The following SNCAIP variants were observed in gnomAD, a reference collection of about 807,000 sequenced individuals.
SNCAIP encodes the protein synuclein alpha interacting protein, also known as synphilin-1.
Under a neutral mutation model 86.7 loss-of-function variants are expected in SNCAIP, and 43 were observed. That is an observed-to-expected ratio of 0.50 (90% confidence interval 0.39 to 0.64). The LOEUF is 0.64. SNCAIP is among the 30% of genes least tolerant of loss of function. The probability of loss-of-function intolerance (pLI) is 0.00; values close to 1 mark genes in which losing one functional copy is unlikely to be tolerated. For missense variants in SNCAIP, 981 were observed against 1,103.1 expected, an observed-to-expected ratio of 0.89 and a Z score of 1.57; for synonymous variants, 417 against 427.2, an observed-to-expected ratio of 0.98 and a Z score of 0.29.
intron 1 of SNCAIP, chr5:122,389,175 CTTAA>C (rs796246943): frequency 3.9e-5 from 6 of 152,292 alleles, no homozygotes; most frequent in Admixed American, 2.6e-4. Context: ...TGTTAATTTA[CTTAA>C]TTAAGACATG....
chr5:122,333,097 A>G (rs1755721197), intron 1 of SNCAIP, among the ~76,000 whole-genome samples: 1 of 152,226 alleles, frequency 6.6e-6, no homozygotes. Context: ...GGTTAGCACA[A>G]AGATAGAAGC....
At chr5:122,414,097 A>T (rs1019021300) in intron 3 of SNCAIP, among the ~76,000 whole-genome samples, 1 of 151,986 alleles carries the variant, frequency 6.6e-6, no homozygotes, top group African/African-American at 2.4e-5. Context: ...CTTTGTAGAG[A>T]TGAGGATCTC....
At chr5:122,364,452 A>G (rs1220548503) in intron 1 of SNCAIP, among the ~76,000 whole-genome samples, 1 of 152,218 alleles carries the variant, frequency 6.6e-6, no homozygotes, top group Non-Finnish European at 1.5e-5. Context: ...TGCAGGTGTG[A>G]GCCACTGTGC....
intron 3 of SNCAIP, among the ~76,000 whole-genome samples, chr5:122,407,527 C>G (rs568152621): frequency 6.6e-6 from 1 of 152,006 alleles, no homozygotes; most frequent in African/African-American, 2.4e-5. Context: ...TGGAAAGAAG[C>G]CTCAGCATGT....
At chr5:122,433,919 G>A (rs763105940) in intron 6 of SNCAIP, among the ~76,000 whole-genome samples, 3 of 152,146 alleles carry the variant, frequency 2.0e-5, no homozygotes, top group Non-Finnish European at 4.4e-5. Flanking sequence ...ATGCTAGGCC[G>A]TGGCAGCTGC....
intron 1 of SNCAIP, among the ~76,000 whole-genome samples, chr5:122,380,117 AC>A (rs1330497372): frequency 1.4e-4 from 21 of 152,098 alleles, no homozygotes; most frequent in African/African-American, 5.1e-4. Context: ...AAGGAATGGT[AC>A]CAGCGCCTCC....
chr5:122,353,015 C>G (rs369959053), intron 1 of SNCAIP, among the ~76,000 whole-genome samples: 1 of 152,144 alleles, frequency 6.6e-6, no homozygotes, highest in Non-Finnish European at 1.5e-5. Flanking sequence ...GATGACATTG[C>G]GTAGGCTCTA....
intron 3 of SNCAIP, among the ~76,000 whole-genome samples, chr5:122,411,945 G>A (rs1054718952): frequency 2.0e-5 from 3 of 152,060 alleles, no homozygotes; most frequent in Non-Finnish European, 4.4e-5. Flanking sequence ...TCAAAACCAG[G>A]CAATGGTTTC....
chr5:122,394,088 C>CT (rs112838168), intron 2 of SNCAIP, among the ~76,000 whole-genome samples: 5,563 of 146,010 alleles, frequency 0.038, 306 homozygotes, highest in African/African-American at 0.12. Flanking sequence ...ATGCAATTTT[C>CT]TTTTTTTTTT....
At chr5:122,422,699 T>C (rs1039321298) in intron 3 of SNCAIP, among the ~76,000 whole-genome samples, 169 bp from the exon 4 acceptor site, 11 of 152,070 alleles carry the variant, frequency 7.2e-5, no homozygotes, top group Non-Finnish European at 1.2e-4. Flanking sequence ...TTCACTGTTT[T>C]CCAATGGTAA....
Position 122,444,915 on chromosome 5 carries a change from T to C in SNCAIP, c.1592+183T>C, listed in dbSNP as rs1318558302. 6.1e-6 allele frequency: 4 copies of C among 657,850 alleles called. No homozygotes were observed. The African/African-American group carries it at 7.1e-5, about 12-fold the overall frequency. 40.8% of individuals were successfully genotyped at this position (657,850 alleles called of 1,614,324 possible). ...GCGTTCGTGCTGAAGATGCCATCTC[T>C]GCAGAGGCAAAAGGATGTCTAAACA... On this transcript the variant is annotated intron_variant, in intron 8 of 10. Coordinates refer to ENST00000261368, the MANE Select transcript of SNCAIP (RefSeq NM_005460.4).
intron 3 of SNCAIP, 66 bp from the exon 4 acceptor site, chr5:122,422,802 C>T (rs1016262215): frequency 7.5e-7 from 1 of 1,326,456 alleles, no homozygotes; most frequent in Non-Finnish European, 1.1e-6. Context: ...CCACATCTAC[C>T]TGCATAGCCA....
chr5:122,322,933 T>G (rs943645585), intron 1 of SNCAIP, among the ~76,000 whole-genome samples: 1 of 152,224 alleles, frequency 6.6e-6, no homozygotes, highest in African/African-American at 2.4e-5. Context: ...GCAACTAAAA[T>G]ATATTTCTTC....
intron 1 of SNCAIP, among the ~76,000 whole-genome samples, chr5:122,387,410 C>G (rs999972916): frequency 6.6e-6 from 1 of 152,148 alleles, no homozygotes; most frequent in Non-Finnish European, 1.5e-5. Context: ...CCTTGGCCTC[C>G]CAAAGTGCTG....
At chr5:122,332,709 TA>T (rs891629660) in intron 1 of SNCAIP, among the ~76,000 whole-genome samples, 7 of 152,348 alleles carry the variant, frequency 4.6e-5, no homozygotes, top group African/African-American at 1.7e-4. Flanking sequence ...GATGCCATTT[TA>T]ATTTTCCTTT....
chr5:122,400,853 A>G, intron 2 of SNCAIP: 4 of 965,980 alleles, frequency 4.1e-6, no homozygotes, highest in Non-Finnish European at 5.7e-6. Context: ...CTGGAAAACA[A>G]ATTTAGATCA....
intron 1 of SNCAIP, among the ~76,000 whole-genome samples, chr5:122,332,648 C>G (rs2152701039): frequency 6.6e-6 from 1 of 152,300 alleles, no homozygotes; most frequent in South Asian, 2.1e-4. Context: ...TGCAAACATC[C>G]AAGTATCACC....
chr5:122,419,656 A>G (rs954254312), intron 3 of SNCAIP, among the ~76,000 whole-genome samples: 1 of 152,190 alleles, frequency 6.6e-6, no homozygotes, highest in Non-Finnish European at 1.5e-5. Flanking sequence ...TACAAATCTA[A>G]AATAGATAAA....
chr5:122,445,672 ACAT>A (rs987349563), intron 8 of SNCAIP, among the ~76,000 whole-genome samples: 12 of 147,522 alleles, frequency 8.1e-5, no homozygotes, highest in Non-Finnish European at 1.7e-4. Context: ...ACACACACAC[ACAT>A]TTTTTTTCTG....
Sources: allele counts gnomAD v4.1 joint callset (sites outside exome capture counted in the v4.1 genomes callset), GRCh38; gene constraint gnomAD v4.1.1; transcripts MANE v1.5; gene names NCBI Gene and HGNC (gene_info 2026-07-23, HGNC 2026-07-21).